RNGTT: variants seen among roughly 807,000 people sequenced by gnomAD.
The protein encoded by RNGTT is mRNA-capping enzyme.
Under a neutral mutation model 79.3 loss-of-function variants are expected in RNGTT, and 33 were observed. The ratio of observed to expected loss-of-function variants is 0.42; its 90% CI spans 0.32 to 0.56. The LOEUF (loss-of-function observed/expected upper bound fraction) is 0.56, where lower values mean the gene tolerates loss of function less well. Ranked by LOEUF, RNGTT falls within the 20% of genes least tolerant of loss-of-function variation. The pLI is 0.17. For missense variants in RNGTT, 497 were observed against 739.1 expected (o/e 0.67, Z 3.80); for synonymous variants, 222 against 235.9 (o/e 0.94, Z 0.54).
At chr6:88,718,160 G>A (rs1776585086) in intron 13 of RNGTT, among the ~76,000 whole-genome samples, 1 of 152,046 alleles carries the variant, frequency 6.6e-6, no homozygotes, top group South Asian at 2.1e-4. Context: ...TGGGAGGCAG[G>A]CGGATTACTT....
rs1780040647 is a variant in RNGTT at position 88,808,754 on chromosome 6, A to T, written c.1270-7122T>A. ...GCAAAACCCCATCTCTACAAAAAAT[A>T]TTTTAAAAAATGTAGGTTTATCATA... On this transcript the variant is annotated intron_variant, in intron 11 of 15. Coordinates refer to ENST00000369485, the MANE Select transcript of RNGTT (RefSeq NM_003800.5). Among the ~76,000 whole-genome samples the T allele has an allele frequency of 2.0e-5, 3 of 152,116 alleles. No individual in the cohort carries two copies. The South Asian group carries it at 6.2e-4, about 32-fold the overall frequency.
At chr6:88,725,082 G>A (rs1239129113) in intron 13 of RNGTT, among the ~76,000 whole-genome samples, 3 of 152,184 alleles carry the variant, frequency 2.0e-5, no homozygotes, top group Non-Finnish European at 4.4e-5. Flanking sequence ...TTATATTCAA[G>A]TGCTATTTCT....
intron 6 of RNGTT, among the ~76,000 whole-genome samples, chr6:88,898,595 G>T: frequency 6.7e-6 from 1 of 148,878 alleles, no homozygotes; most frequent in African/African-American, 2.5e-5. Context: ...TCCTTTCTTA[G>T]TATATCTAGT....
At chr6:88,713,429 C>T (rs545556610) in intron 13 of RNGTT, among the ~76,000 whole-genome samples, 1 of 152,234 alleles carries the variant, frequency 6.6e-6, no homozygotes, top group Non-Finnish European at 1.5e-5. Flanking sequence ...TATTTAAATG[C>T]ATTTAAACTA....
At chr6:88,674,661 T>G (rs779626723) in intron 14 of RNGTT, among the ~76,000 whole-genome samples, 1 of 151,868 alleles carries the variant, frequency 6.6e-6, no homozygotes, top group Admixed American at 6.6e-5. Flanking sequence ...CATAAAAATA[T>G]GTCATATAAG....
intron 8 of RNGTT, among the ~76,000 whole-genome samples, chr6:88,878,963 C>T (rs1001864754): frequency 1.3e-5 from 2 of 152,146 alleles, no homozygotes; most frequent in Non-Finnish European, 2.9e-5. Context: ...CATCTCATTA[C>T]CTTATCCACA....
At chr6:88,624,132 G>A (rs1277975191) in intron 14 of RNGTT, among the ~76,000 whole-genome samples, 1 of 151,848 alleles carries the variant, frequency 6.6e-6, no homozygotes, top group East Asian at 1.9e-4. Context: ...CCATGTTCAT[G>A]GATTGAAAGA....
At chr6:88,651,785 G>C (rs1391868121) in intron 14 of RNGTT, among the ~76,000 whole-genome samples, 1 of 151,808 alleles carries the variant, frequency 6.6e-6, no homozygotes, top group Non-Finnish European at 1.5e-5. Context: ...ATTTCCACTA[G>C]ATAATTGCTT....
chr6:88,869,927 A>T (rs1184949801), intron 8 of RNGTT, among the ~76,000 whole-genome samples: 1 of 152,146 alleles, frequency 6.6e-6, no homozygotes, highest in African/African-American at 2.4e-5. Context: ...CTGACATAAG[A>T]TGTAAAAGAC....
At chr6:88,713,804 A>G (rs1044366190) in intron 13 of RNGTT, among the ~76,000 whole-genome samples, 1 of 152,190 alleles carries the variant, frequency 6.6e-6, no homozygotes, top group African/African-American at 2.4e-5. Flanking sequence ...GAGATATGAT[A>G]ATGATTTAAC....
At chr6:88,849,684 C>T (rs1781607256) in intron 10 of RNGTT, 71 bp downstream of exon 10, 2 of 1,370,332 alleles carry the variant, frequency 1.5e-6, no homozygotes, top group Non-Finnish European at 1.9e-6. Context: ...AAGGCAGCAC[C>T]AAAGACTATT....
At chr6:88,858,911 C>A (rs1331128090) in intron 8 of RNGTT, among the ~76,000 whole-genome samples, 1 of 151,866 alleles carries the variant, frequency 6.6e-6, no homozygotes, top group East Asian at 1.9e-4. Flanking sequence ...AAAAAAGGTT[C>A]AGAATACTCA....
At chr6:88,950,218 T>TA (rs776753275) in intron 1 of RNGTT, among the ~76,000 whole-genome samples, 10 of 152,204 alleles carry the variant, frequency 6.6e-5, no homozygotes, top group Non-Finnish European at 1.5e-4. Context: ...TCCAAAATAT[T>TA]ACTGCTCACT....
chr6:88,802,620 G>A (rs977173792), intron 11 of RNGTT, among the ~76,000 whole-genome samples: 2 of 152,188 alleles, frequency 1.3e-5, no homozygotes, highest in Admixed American at 6.5e-5. Flanking sequence ...AGAAAAAGCA[G>A]TTTAATGGAC....
intron 2 of RNGTT, among the ~76,000 whole-genome samples, chr6:88,936,793 C>T (rs1343762428): frequency 6.6e-6 from 1 of 152,160 alleles, no homozygotes; most frequent in Admixed American, 6.5e-5. Flanking sequence ...TTAGAATTCC[C>T]TCCTCTTCAA....
At chr6:88,826,797 AAAATATATATATATATATATGTGTGTGT>A (rs1562272375) in intron 11 of RNGTT, among the ~76,000 whole-genome samples, 19 of 119,656 alleles carry the variant, frequency 1.6e-4, no homozygotes, top group African/African-American at 6.6e-4. Context: ...AGAAAAAAAA[AAAATATATATATATATATATGTGTGTGT>A]ATATATATAT....
intron 13 of RNGTT, among the ~76,000 whole-genome samples, chr6:88,697,293 T>C (rs762987395): frequency 6.6e-6 from 1 of 152,182 alleles, no homozygotes; most frequent in Non-Finnish European, 1.5e-5. Context: ...ATTTTGCCCC[T>C]GTAATCCCAG....
intron 13 of RNGTT, among the ~76,000 whole-genome samples, chr6:88,767,108 T>C (rs1287975742): frequency 6.6e-6 from 1 of 152,150 alleles, no homozygotes; most frequent in African/African-American, 2.4e-5. Context: ...ATAGTTACCA[T>C]GTTATATTTC....
At chr6:88,869,807 G>C (rs938785157) in intron 8 of RNGTT, among the ~76,000 whole-genome samples, 1 of 152,038 alleles carries the variant, frequency 6.6e-6, no homozygotes, top group African/African-American at 2.4e-5. Context: ...ACATCATAGA[G>C]CAGTCTCAAA....
Sources: gnomAD v4.1 joint callset for allele counts (sites outside exome capture counted in the v4.1 genomes callset) on GRCh38, gnomAD v4.1.1 for gene constraint, MANE v1.5 for transcripts, NCBI Gene and HGNC (gene_info 2026-07-23, HGNC 2026-07-21) for gene names.